Variants in SLC26A7 observed in about 807,000 individuals in gnomAD.
SLC26A7 encodes the protein solute carrier family 26 member 7, also known as anion exchange transporter.
SLC26A7 carries 59 observed loss-of-function variants against 82.5 expected under a neutral mutation model. That is an observed-to-expected ratio of 0.72 (90% CI 0.58 to 0.89). The LOEUF is 0.89. Among genes scored for constraint, SLC26A7 ranks in the 40% least tolerant of loss-of-function variants. SLC26A7 has a pLI of 0.00. For synonymous variants in SLC26A7, 271 were observed against 274.3 expected, an observed-to-expected ratio of 0.99 and a Z score of 0.12; for missense variants, 820 against 793.0, an observed-to-expected ratio of 1.03 and a Z score of -0.41.
At chr8:91,390,919 T>G (rs1814948900) in intron 16 of SLC26A7, among the ~76,000 whole-genome samples, 1 of 152,186 alleles carries the variant, frequency 6.6e-6, no homozygotes, top group African/African-American at 2.4e-5. Flanking sequence ...ACATGGTTGT[T>G]GTATATTTTT....
In SLC26A7 at chr8:91,289,155, C is replaced by T. The variant is rs375743248; in HGVS notation, c.213C>T (p.Leu71=). The T allele has an allele frequency of 6.2e-7, 1 of 1,613,920 alleles. No individual in the cohort carries two copies. The highest frequency in any genetic ancestry group is 8.5e-7 in the Non-Finnish European group (1 of 1,179,868). The change falls in exon 3 of 19, where the codon CTC becomes CTT. Residue 71 remains leucine, a synonymous_variant. Coordinates refer to ENST00000276609, the MANE Select transcript of SLC26A7 (RefSeq NM_052832.4). ...QVTQGLAFAV[L]SSVHPVFGLY... ...TCACAGGATTGGCCTTTGCTGTTCTCTCATCTGTGCACCCAGTGTTTGGTT... is the reference window on the plus strand; with the variant it reads ...TCACAGGATTGGCCTTTGCTGTTCTTTCATCTGTGCACCCAGTGTTTGGTT...
At position 91,249,704 on chromosome 8, in the gene SLC26A7, C is replaced by G; in HGVS notation, c.53C>G (p.Thr18Ser). The stretch of plus-strand genomic sequence containing the variant: ...AGCATGCTTTGGAGCAAGATGCATA[C>G]CCCCCAGTGTGAAGACATTATACAG... ...KKSMLWSKMHTPQCEDIIQWC... is the reference protein window; with the variant it reads ...KKSMLWSKMHSPQCEDIIQWC... The change falls in exon 2 of 19, where the codon ACC becomes AGC. Residue 18 changes from threonine (T) to serine (S), a missense_variant. Thr to Ser is a moderately conservative substitution (Grantham distance 58). Transcript: ENST00000276609. 1.9e-6 allele frequency: 3 copies of G among 1,587,500 alleles called. No individual in the cohort carries two copies. The highest frequency in any genetic ancestry group is 2.6e-6 in the Non-Finnish European group (3 of 1,167,928).
intron 15 of SLC26A7, among the ~76,000 whole-genome samples, chr8:91,385,966 A>AT (rs1050739825): frequency 2.0e-4 from 30 of 152,120 alleles, no homozygotes; most frequent in African/African-American, 6.7e-4. Context: ...TTTCACTGTA[A>AT]TTTTTTTTAA....
chr8:91,323,949 C>G (rs1034767413), intron 5 of SLC26A7, among the ~76,000 whole-genome samples: 6 of 151,612 alleles, frequency 4.0e-5, no homozygotes, highest in Admixed American at 2.0e-4. Flanking sequence ...GCCTCAGCCT[C>G]TGGAGTAGTT....
At chr8:91,242,603 A>G (rs60104120) in intron 2 of SLC26A7, among the ~76,000 whole-genome samples, 2,907 of 152,260 alleles carry the variant, frequency 0.019, 74 homozygotes, top group African/African-American at 0.066. Flanking sequence ...ATACCCTTAT[A>G]AAGGAAGCAC....
intron 1 of SLC26A7, among the ~76,000 whole-genome samples, chr8:91,213,179 G>C (rs1385126604): frequency 6.6e-6 from 1 of 152,152 alleles, no homozygotes; most frequent in Non-Finnish European, 1.5e-5. Flanking sequence ...CCACTGTGTG[G>C]GGAAGGGAAT....
Position 91,357,713 on chromosome 8 carries a change from T to A in SLC26A7, c.1315-4640T>A, listed in dbSNP as rs570702363. Reference sequence around the variant, plus strand: ...CATAGGCATGGGCAAGGACTTCATGTCCAAAACACCAAAAGCAATGGCAAC... The same window carrying A: ...CATAGGCATGGGCAAGGACTTCATGACCAAAACACCAAAAGCAATGGCAAC... On this transcript the variant is annotated intron_variant, in intron 11 of 18. Transcript: ENST00000276609. Among the ~76,000 whole-genome samples the A allele has an allele frequency of 6.6e-5, 10 of 152,134 alleles. No individual in the cohort carries two copies. The East Asian group carries it at 9.7e-4, about 15-fold the overall frequency.
At chr8:91,319,707 C>T (rs1244442161) in intron 5 of SLC26A7, among the ~76,000 whole-genome samples, 2 of 152,196 alleles carry the variant, frequency 1.3e-5, no homozygotes, top group African/African-American at 4.8e-5. Context: ...CACGACAGAA[C>T]CAAAGCAGTG....
At chr8:91,267,433 C>G (rs1419682774) in intron 2 of SLC26A7, among the ~76,000 whole-genome samples, 2 of 151,762 alleles carry the variant, frequency 1.3e-5, no homozygotes, top group African/African-American at 4.8e-5. Context: ...GCCTTAATTC[C>G]ATTACTAATT....
chr8:91,333,773 G>C (rs976269369), intron 5 of SLC26A7, among the ~76,000 whole-genome samples: 3 of 152,254 alleles, frequency 2.0e-5, no homozygotes, highest in Admixed American at 6.5e-5. Flanking sequence ...TATAAAGTAA[G>C]TGACAATAAA....
At chr8:91,346,583 GA>G (rs371581893) in intron 9 of SLC26A7, among the ~76,000 whole-genome samples, 49 of 152,194 alleles carry the variant, frequency 3.2e-4, no homozygotes, top group African/African-American at 1.0e-3. Flanking sequence ...ACTTGTTAAT[GA>G]ATTTACCAAC....
chr8:91,361,523 C>CGTT (rs1156771438), intron 11 of SLC26A7, among the ~76,000 whole-genome samples: 10 of 152,132 alleles, frequency 6.6e-5, no homozygotes, highest in African/African-American at 1.9e-4. Context: ...AGGTTAAAAA[C>CGTT]GTTAGTTTAC....
rs1468291912 is a variant in SLC26A7 at position 91,396,684 on chromosome 8, G to T, written c.*1587G>T. ...CCTCAGTCTCTTTATCACTAACTTG[G>T]ATTGAAATGAGTGAGGCCAACTCAC... On this transcript the variant is annotated 3_prime_UTR_variant, in exon 19 of 19. Transcript: ENST00000276609. 6.6e-6 allele frequency: 1 copy of T among 151,996 alleles called. No individual in the cohort carries two copies. Among genetic ancestry groups the T allele is most frequent in the Non-Finnish European group, 1.5e-5 (1 of 67,904 alleles). The allele number at this position is 151,996 out of a possible 1,614,324, so 9.4% of individuals were successfully genotyped here.
intron 1 of SLC26A7, among the ~76,000 whole-genome samples, chr8:91,217,142 T>G (rs1810064602): frequency 6.6e-6 from 1 of 152,158 alleles, no homozygotes; most frequent in South Asian, 2.1e-4. Flanking sequence ...TCCAACTAGA[T>G]GCTAAGATTC....
intron 4 of SLC26A7, among the ~76,000 whole-genome samples, chr8:91,312,141 C>T (rs1338804960): frequency 6.6e-6 from 1 of 152,138 alleles, no homozygotes; most frequent in Non-Finnish European, 1.5e-5. Flanking sequence ...CCCTTGGAAA[C>T]CATCATTCTA....
chr8:91,209,801 G>A (rs148778402), intron 1 of SLC26A7, among the ~76,000 whole-genome samples: 85 of 152,320 alleles, frequency 5.6e-4, no homozygotes, highest in African/African-American at 2.0e-3. Context: ...AAGGGAATGA[G>A]TAAGCCAAGA....
At chr8:91,392,566 A>G (rs1415327432) in intron 16 of SLC26A7, among the ~76,000 whole-genome samples, 1 of 152,200 alleles carries the variant, frequency 6.6e-6, no homozygotes, top group African/African-American at 2.4e-5. Context: ...TCTTAGTTCC[A>G]GCCACCATGG....
chr8:91,228,567 G>A (rs965239472), intron 2 of SLC26A7, among the ~76,000 whole-genome samples: 1 of 152,116 alleles, frequency 6.6e-6, no homozygotes, highest in Non-Finnish European at 1.5e-5. Context: ...GCTTCACAAC[G>A]GCCACTTTAT....
chr8:91,234,827 A>ACCTACTTCCTTCCTTCCTTC (rs1386380375), intron 2 of SLC26A7, among the ~76,000 whole-genome samples: 1,236 of 92,314 alleles, frequency 0.013, 12 homozygotes, highest in East Asian at 0.069. Context: ...CTACCTACCT[A>ACCTACTTCCTTCCTTCCTTC]CTTCCTTCCT....
Sources: allele counts gnomAD v4.1 joint callset (sites outside exome capture counted in the v4.1 genomes callset), GRCh38; gene constraint gnomAD v4.1.1; transcripts MANE v1.5; gene names NCBI Gene and HGNC (gene_info 2026-07-23, HGNC 2026-07-21).